The following XPO4 variants were observed in gnomAD, a reference collection of about 807,000 sequenced individuals.
XPO4 encodes exportin-4.
XPO4 carries 39 observed loss-of-function variants against 143.0 expected under a neutral mutation model. The observed-to-expected ratio is 0.27, with a 90% CI of 0.21 to 0.36. The LOEUF (loss-of-function observed/expected upper bound fraction) is 0.36, where lower values mean the gene tolerates loss of function less well. XPO4 is among the 10% of genes least tolerant of loss of function. XPO4 has a pLI of 1.00. For synonymous variants in XPO4, 439 were observed against 474.0 expected, an observed-to-expected ratio of 0.93 and a Z score of 0.96; for missense variants, 907 against 1,348.0, an observed-to-expected ratio of 0.67 and a Z score of 5.12.
intron 1 of XPO4, among the ~76,000 whole-genome samples, chr13:20,894,997 G>T (rs2060554780): frequency 1.3e-5 from 2 of 152,030 alleles, no homozygotes; most frequent in South Asian, 4.1e-4. Context: ...GGTCAACATG[G>T]TAAAATACTG....
At chr13:20,897,134 G>A (rs545819707) in intron 1 of XPO4, among the ~76,000 whole-genome samples, 2 of 152,142 alleles carry the variant, frequency 1.3e-5, no homozygotes, top group East Asian at 1.9e-4. Context: ...ACAAGACAGG[G>A]CTGAAATAAA....
chr13:20,871,948 C>A (rs2060302625), intron 1 of XPO4, among the ~76,000 whole-genome samples: 1 of 152,038 alleles, frequency 6.6e-6, no homozygotes, highest in Admixed American at 6.6e-5. Flanking sequence ...ATAAAATTAT[C>A]AAGTCAATAT....
chr13:20,790,861 AG>A (rs1176945545), intron 18 of XPO4, among the ~76,000 whole-genome samples: 2 of 152,186 alleles, frequency 1.3e-5, no homozygotes, highest in Admixed American at 1.3e-4. Flanking sequence ...GGAGGTTAAG[AG>A]CAGGGGACAG....
chr13:20,868,458 A>G, intron 2 of XPO4, 138 bp downstream of exon 2: 2 of 1,291,940 alleles, frequency 1.5e-6, no homozygotes, highest in Non-Finnish European at 2.0e-6. Flanking sequence ...CTACTCCAGT[A>G]GAATGATTAT....
intron 1 of XPO4, among the ~76,000 whole-genome samples, chr13:20,897,994 C>G (rs1166766716): frequency 6.6e-6 from 1 of 152,118 alleles, no homozygotes; most frequent in Non-Finnish European, 1.5e-5. Context: ...CTCAGGTGAT[C>G]CACCTACTTT....
chr13:20,785,818 A>AG (rs1170378269), intron 22 of XPO4, among the ~76,000 whole-genome samples: 64 of 140,764 alleles, frequency 4.5e-4, no homozygotes, highest in African/African-American at 1.3e-3. Flanking sequence ...GAAGGAAGGA[A>AG]GAAAGGAAGG....
chr13:20,874,698 C>A (rs895308242), intron 1 of XPO4, among the ~76,000 whole-genome samples: 1 of 152,180 alleles, frequency 6.6e-6, no homozygotes, highest in Admixed American at 6.6e-5. Flanking sequence ...TGAACCAAAT[C>A]AACTTCTGTT....
Position 20,862,803 on chromosome 13 carries a change from T to C in XPO4, c.231A>G (p.Ala77=). ...CCAAGAGAATCCACTCTCGGACAACTGCTTCCATTATGGCTGTGGCAGCTT... is the reference window on the plus strand; with the variant it reads ...CCAAGAGAATCCACTCTCGGACAACCGCTTCCATTATGGCTGTGGCAGCTT... ...LFQAATAIME[A]VVREWILLEK... is the part of the protein sequence containing the mutation. Residue 77 remains alanine (A), a synonymous_variant, in exon 3 of 23, where the codon GCA becomes GCG. Transcript: ENST00000255305. The C allele has an allele frequency of 6.2e-7, 1 of 1,614,218 alleles. No individual in the cohort carries two copies. Among genetic ancestry groups the C allele is most frequent in the Non-Finnish European group, 8.5e-7 (1 of 1,180,034 alleles).
Position 20,821,746 on chromosome 13 carries a change from G to A in XPO4, c.1131C>T (p.His377=). Residue 377 remains histidine (H), a synonymous_variant, in exon 9 of 23, where the codon CAC becomes CAT. Coordinates refer to ENST00000255305, the MANE Select transcript of XPO4 (RefSeq NM_022459.5). ...CACTTCGCCCAAAAGAACAAGTGAG[G>A]TGTGTGAGGCAGTTAACAAAGGAGG... ...LFSSFVNCLT[H]LTCSFGRSAA... 6.2e-7 allele frequency: 1 copy of A among 1,613,870 alleles called. No individual in the cohort carries two copies. Among genetic ancestry groups the A allele is most frequent in the Non-Finnish European group, 8.5e-7 (1 of 1,179,848 alleles).
At chr13:20,839,750 A>T (rs1031906048) in intron 6 of XPO4, among the ~76,000 whole-genome samples, 1 of 152,188 alleles carries the variant, frequency 6.6e-6, no homozygotes, top group African/African-American at 2.4e-5. Context: ...TGGCAGGCCA[A>T]GGTGGGTGGA....
At chr13:20,872,936 A>G (rs2060314230) in intron 1 of XPO4, among the ~76,000 whole-genome samples, 1 of 152,174 alleles carries the variant, frequency 6.6e-6, no homozygotes, top group Non-Finnish European at 1.5e-5. Flanking sequence ...CAGTAAACAA[A>G]GAGTAATAAA....
intron 22 of XPO4, 99 bp downstream of exon 22, chr13:20,786,866 A>C: frequency 1.1e-6 from 1 of 883,382 alleles, no homozygotes; most frequent in Admixed American, 3.4e-5. Flanking sequence ...ACTGAGTCAC[A>C]GATCCTATAA....
Position 20,866,113 on chromosome 13 carries a change from TTTTTTTAAAGGAACA to T in XPO4, c.175+2468_175+2482del, listed in dbSNP as rs371611648. ...CTTTAACAAGAACAGAACTCACTTGTTTTTTTAAAGGAACATTTGATCCTAAAAAATTTAAATTAC... is the reference window on the plus strand; with the variant it reads ...CTTTAACAAGAACAGAACTCACTTGTTTTGATCCTAAAAAATTTAAATTAC... On this transcript the variant is annotated intron_variant, in intron 2 of 22. Coordinates refer to ENST00000255305, the MANE Select transcript of XPO4 (RefSeq NM_022459.5). 589 of 985,308 alleles carry T rather than the reference TTTTTTTAAAGGAACA, an allele frequency of 6.0e-4. 3 individuals are homozygous for T. The African/African-American group carries it at 8.0e-3, about 13-fold the overall frequency. The allele number at this position is 985,308 out of a possible 1,614,324, so 61.0% of individuals were successfully genotyped here.
chr13:20,794,133 T>G (rs1023787842), intron 18 of XPO4, among the ~76,000 whole-genome samples: 1 of 152,180 alleles, frequency 6.6e-6, no homozygotes, highest in Non-Finnish European at 1.5e-5. Context: ...CTTTCTCTTA[T>G]TAACGCTGCC....
chr13:20,832,080 T>C, intron 6 of XPO4, among the ~76,000 whole-genome samples: 1 of 152,116 alleles, frequency 6.6e-6, no homozygotes, highest in Non-Finnish European at 1.5e-5. Context: ...GCTCACCAAC[T>C]TCTGTGAAAT....
At chr13:20,817,282 A>G (rs1368729984) in intron 9 of XPO4, among the ~76,000 whole-genome samples, 1 of 152,218 alleles carries the variant, frequency 6.6e-6, no homozygotes, top group Non-Finnish European at 1.5e-5. Context: ...ACCTCACTAC[A>G]AAGTAATTAC....
At chr13:20,894,599 G>T (rs57063435) in intron 1 of XPO4, among the ~76,000 whole-genome samples, 5,730 of 151,920 alleles carry the variant, frequency 0.038, 370 homozygotes, top group African/African-American at 0.13. Context: ...CCAGCACTTT[G>T]GGAGGCCAAG....
In XPO4 at chr13:20,790,595, G is replaced by T; in HGVS notation, c.2798-15C>A. On this transcript the variant is annotated splice_polypyrimidine_tract_variant and intron_variant, in intron 18 of 22. Transcript: ENST00000255305. ...AAACACTTCATCTATTAAAATAAAA[G>T]GATGCAGGCTTATGGTGGTAACATC... 5 of 1,597,262 alleles carry T rather than the reference G, an allele frequency of 3.1e-6. No homozygotes were observed. The highest frequency in any genetic ancestry group is 3.4e-6 in the Non-Finnish European group (4 of 1,165,412).
intron 1 of XPO4, among the ~76,000 whole-genome samples, chr13:20,872,174 C>A (rs1251222071): frequency 1.3e-5 from 2 of 152,128 alleles, no homozygotes; most frequent in Non-Finnish European, 2.9e-5. Context: ...CAAAGTTCCC[C>A]AAGTGGTACT....
Sources: gnomAD v4.1 joint callset for allele counts (sites outside exome capture counted in the v4.1 genomes callset) on GRCh38, gnomAD v4.1.1 for gene constraint, MANE v1.5 for transcripts, NCBI Gene and HGNC (gene_info 2026-07-23, HGNC 2026-07-21) for gene names.